INPP4A: variants seen among roughly 807,000 people sequenced by gnomAD.
The protein encoded by INPP4A is inositol polyphosphate-4-phosphatase, type I, 107kD.
A neutral mutation model predicts 119.8 loss-of-function variants in INPP4A; 33 were observed. The ratio of observed to expected loss-of-function variants is 0.28; its 90% CI spans 0.21 to 0.37. The LOEUF is 0.37. Among genes scored for constraint, INPP4A ranks in the 10% least tolerant of loss-of-function variants. The pLI, the probability that INPP4A is intolerant of heterozygous loss-of-function variation, is 1.00. For missense variants in INPP4A, 956 were observed against 1,289.9 expected (o/e 0.74, Z 3.97); for synonymous variants, 496 against 500.7 (o/e 0.99, Z 0.12).
chr2:98,551,634 C>T (rs1049896029), intron 13 of INPP4A, among the ~76,000 whole-genome samples: 3 of 152,202 alleles, frequency 2.0e-5, no homozygotes, highest in Non-Finnish European at 4.4e-5. Context: ...ACTGTCATCT[C>T]CAGGGGAAGT....
chr2:98,550,041 C>T (rs748093036), intron 13 of INPP4A, among the ~76,000 whole-genome samples: 2 of 152,052 alleles, frequency 1.3e-5, no homozygotes, highest in African/African-American at 2.4e-5. Flanking sequence ...GGGGAGAGGC[C>T]TTTGGCTTTA....
intron 11 of INPP4A, 47 bp downstream of exon 11, chr2:98,544,054 C>A: frequency 6.6e-7 from 1 of 1,505,212 alleles, no homozygotes; most frequent in Non-Finnish European, 9.0e-7. Flanking sequence ...CGCACACACA[C>A]ACACACACAC....
chr2:98,531,983 G>A (rs1295205736), intron 4 of INPP4A, among the ~76,000 whole-genome samples: 1 of 152,158 alleles, frequency 6.6e-6, no homozygotes, highest in Non-Finnish European at 1.5e-5. Context: ...GCTAACAAAG[G>A]AGAGACCTGA....
In INPP4A at chr2:98,546,435, TGG is replaced by T; in HGVS notation, c.1055-149_1055-148del. ...ATGGCACTGGGCTCCAGCAGACCCTTGGGCAGCCAGGGCTGTGGGATCAGGGG... is the reference window on the plus strand; with the variant it reads ...ATGGCACTGGGCTCCAGCAGACCCTTGCAGCCAGGGCTGTGGGATCAGGGG... On this transcript the variant is annotated intron_variant, in intron 12 of 24. Coordinates refer to ENST00000409851, the MANE Select transcript of INPP4A (RefSeq NM_001134225.2). This position sits in a 1 kb window ranked among gnomAD's most constrained non-coding sequence, Gnocchi z 4.2. The T allele has an allele frequency of 1.6e-6, 1 of 613,154 alleles. No individual in the cohort carries two copies. Among genetic ancestry groups the T allele is most frequent in the Non-Finnish European group, 2.9e-6 (1 of 341,610 alleles). The allele number at this position is 613,154 out of a possible 1,614,324, so 38.0% of individuals were successfully genotyped here. A position where few individuals can be genotyped will look rare whatever the true frequency, so the allele number is the denominator to read the frequency against.
At chr2:98,447,428 A>G (rs1057280120) in intron 1 of INPP4A, among the ~76,000 whole-genome samples, 5 of 152,160 alleles carry the variant, frequency 3.3e-5, no homozygotes, top group African/African-American at 9.7e-5. Flanking sequence ...GGAGACCAAT[A>G]TTAACGCCCA....
At chr2:98,448,139 TGAGTC>T (rs1694562773) in intron 1 of INPP4A, among the ~76,000 whole-genome samples, 1 of 151,666 alleles carries the variant, frequency 6.6e-6, no homozygotes, top group Non-Finnish European at 1.5e-5. Flanking sequence ...GAGGATCACT[TGAGTC>T]CAGGAGTTTG....
At chr2:98,494,668 C>T (rs544169453) in intron 1 of INPP4A, among the ~76,000 whole-genome samples, 2 of 151,772 alleles carry the variant, frequency 1.3e-5, no homozygotes, top group East Asian at 3.9e-4. Flanking sequence ...AATAAGAGGC[C>T]GATAAGCAAT....
intron 1 of INPP4A, among the ~76,000 whole-genome samples, chr2:98,508,875 T>C (rs1234218343): frequency 2.5e-4 from 38 of 152,144 alleles, no homozygotes; most frequent in Non-Finnish European, 8.8e-5. Flanking sequence ...TATTGTGAAA[T>C]TGATGTGGTA....
chr2:98,479,865 G>A (rs757042703), intron 1 of INPP4A, among the ~76,000 whole-genome samples: 24 of 152,208 alleles, frequency 1.6e-4, no homozygotes, highest in African/African-American at 5.3e-4. Context: ...ACAGGGGTCA[G>A]CTCTCCCTTG....
intron 21 of INPP4A, among the ~76,000 whole-genome samples, chr2:98,568,268 T>C (rs1696834174): frequency 1.3e-5 from 2 of 152,156 alleles, no homozygotes; most frequent in African/African-American, 4.8e-5. Context: ...GACCAGGGAC[T>C]CTGAGCCAAA....
intron 23 of INPP4A, among the ~76,000 whole-genome samples, chr2:98,575,058 A>C (rs938458696): frequency 2.3e-4 from 35 of 152,220 alleles, no homozygotes; most frequent in African/African-American, 8.0e-4. Context: ...CCACTCAGGT[A>C]CTGAGTCCTT....
At chr2:98,586,646 A>T (rs1455391536) in intron 24 of INPP4A, among the ~76,000 whole-genome samples, 1 of 152,156 alleles carries the variant, frequency 6.6e-6, no homozygotes, top group Non-Finnish European at 1.5e-5. Flanking sequence ...TCATCCTCCC[A>T]TGCAGTGTTT....
chr2:98,546,773 A>G lies in INPP4A; in HGVS notation c.1163+79A>G. ...TCTCAGTTTAAAATAAAATCAAAATATGACCGCAAAAACACCCAGCCATCT... is the reference window on the plus strand; with the variant it reads ...TCTCAGTTTAAAATAAAATCAAAATGTGACCGCAAAAACACCCAGCCATCT... On this transcript the variant is annotated intron_variant, in intron 13 of 24. Transcript: ENST00000409851. The surrounding 1 kb of genome is among the most constrained non-coding windows in gnomAD (Gnocchi z 4.2). 1.1e-6 allele frequency: 1 copy of G among 934,494 alleles called. No individual in the cohort carries two copies. Among genetic ancestry groups the G allele is most frequent in the Non-Finnish European group, 1.7e-6 (1 of 587,240 alleles). 57.9% of individuals were successfully genotyped at this position (934,494 alleles called of 1,614,324 possible). A position where few individuals can be genotyped will look rare whatever the true frequency, so the allele number is the denominator to read the frequency against.
At chr2:98,560,210 A>G (rs1575086541) in intron 17 of INPP4A, among the ~76,000 whole-genome samples, 1 of 152,276 alleles carries the variant, frequency 6.6e-6, no homozygotes, top group East Asian at 1.9e-4. Context: ...CCCAAATAAT[A>G]TGATTTGATG....
intron 1 of INPP4A, among the ~76,000 whole-genome samples, chr2:98,482,847 G>A (rs1678757245): frequency 6.6e-6 from 1 of 152,238 alleles, no homozygotes; most frequent in African/African-American, 2.4e-5. Flanking sequence ...GAACATCCCT[G>A]ATCTGAAAAT....
intron 19 of INPP4A, 44 bp from the exon 20 acceptor site, chr2:98,565,596 G>A: frequency 6.4e-7 from 1 of 1,571,760 alleles, no homozygotes; most frequent in Non-Finnish European, 8.7e-7. Context: ...GGGGAGAGTA[G>A]CAGGGCCCTC....
chr2:98,458,675 TG>T (rs1696584967), intron 1 of INPP4A, among the ~76,000 whole-genome samples: 2 of 152,210 alleles, frequency 1.3e-5, no homozygotes, highest in South Asian at 4.1e-4. Flanking sequence ...GCTGGTATCC[TG>T]GGTGAGACTC....
At chr2:98,509,691 A>G (rs1485106064) in intron 1 of INPP4A, among the ~76,000 whole-genome samples, 5 of 152,132 alleles carry the variant, frequency 3.3e-5, no homozygotes, top group African/African-American at 1.2e-4. Flanking sequence ...CCTCCCAGAC[A>G]TTGCGCTTGT....
At chr2:98,578,608 G>A (rs1043178642) in intron 24 of INPP4A, among the ~76,000 whole-genome samples, 3 of 152,236 alleles carry the variant, frequency 2.0e-5, no homozygotes, top group African/African-American at 7.2e-5. Context: ...GCCTGTCACT[G>A]AGCCCAGACC....
Sources: gnomAD v4.1 joint callset for allele counts (sites outside exome capture counted in the v4.1 genomes callset) on GRCh38, gnomAD v4.1.1 for gene constraint, Gnocchi (gnomAD v3.1) non-coding constraint, MANE v1.5 for transcripts, NCBI Gene and HGNC (gene_info 2026-07-23, HGNC 2026-07-21) for gene names.